DOCK2: variants seen among roughly 807,000 people sequenced by gnomAD.
DOCK2 encodes the protein dedicator of cytokinesis 2, also known as dedicator of cytokinesis protein 2.
Under a neutral mutation model 248.9 loss-of-function variants are expected in DOCK2, and 87 were observed. That is an observed-to-expected ratio of 0.35 (90% confidence interval 0.29 to 0.42). The LOEUF is 0.42. Among genes scored for constraint, DOCK2 ranks in the 10% least tolerant of loss-of-function variants. DOCK2 has a pLI of 1.00. For missense variants in DOCK2, 1,747 were observed against 2,300.2 expected, an observed-to-expected ratio of 0.76 and a Z score of 4.92; for synonymous variants, 805 against 821.6, an observed-to-expected ratio of 0.98 and a Z score of 0.35.
chr5:169,894,355 C>A (rs1773468927), intron 27 of DOCK2, among the ~76,000 whole-genome samples: 1 of 152,120 alleles, frequency 6.6e-6, no homozygotes, highest in African/African-American at 2.4e-5. Context: ...TGGGGGCTGG[C>A]AGGATTGGCC....
chr5:169,754,510 G>A (rs1167004696), intron 23 of DOCK2, among the ~76,000 whole-genome samples: 1 of 152,152 alleles, frequency 6.6e-6, no homozygotes, highest in Non-Finnish European at 1.5e-5. Context: ...TGGTAATGAG[G>A]ATCCTTAACT....
chr5:169,648,127 A>G lies in DOCK2; in HGVS notation c.44-6276A>G, dbSNP rs187168810. On this transcript the variant is annotated intron_variant, in intron 1 of 51. Coordinates refer to ENST00000520908, the MANE Select transcript of DOCK2 (RefSeq NM_004946.3). Reference sequence around the variant, plus strand: ...AGGAGTACTAGAATGGAGAGAGTGAAATCCAGCATGATGTTTCAGAGCAGG... The same window carrying G: ...AGGAGTACTAGAATGGAGAGAGTGAGATCCAGCATGATGTTTCAGAGCAGG... Among the ~76,000 whole-genome samples, 11 of 152,254 alleles carry G rather than the reference A, an allele frequency of 7.2e-5. 1 individual carries two copies. Among genetic ancestry groups the G allele is most frequent in the Admixed American group, 6.5e-4 (10 of 15,284 alleles).
chr5:169,849,671 G>A (rs1770519986), intron 27 of DOCK2, among the ~76,000 whole-genome samples: 1 of 152,214 alleles, frequency 6.6e-6, no homozygotes, highest in Non-Finnish European at 1.5e-5. Flanking sequence ...TTTTCTTTAT[G>A]TGAGTGTTGG....
chr5:170,076,521 G>A (rs1757847347), intron 47 of DOCK2, among the ~76,000 whole-genome samples: 1 of 152,238 alleles, frequency 6.6e-6, no homozygotes, highest in African/African-American at 2.4e-5. Flanking sequence ...AAATGAATGT[G>A]GGGCAGAATT....
intron 41 of DOCK2, 96 bp from the exon 42 acceptor site, chr5:170,055,209 A>G: frequency 2.4e-6 from 3 of 1,247,200 alleles, no homozygotes; most frequent in Non-Finnish European, 2.3e-6. Context: ...ATGTGGCCCC[A>G]TAAAGGCTGG....
intron 28 of DOCK2, 26 bp downstream of exon 28, chr5:169,983,192 A>G: frequency 6.2e-7 from 1 of 1,610,610 alleles, no homozygotes; most frequent in South Asian, 1.1e-5. Context: ...GCTGGGGGTG[A>G]GGAAGAACTC....
chr5:169,819,345 C>A (rs1768272445), intron 26 of DOCK2, among the ~76,000 whole-genome samples: 1 of 152,088 alleles, frequency 6.6e-6, no homozygotes, highest in Non-Finnish European at 1.5e-5. Context: ...CCTTTGCTGG[C>A]CAGAGTGGCT....
At chr5:169,733,117 A>C (rs1762865360) in intron 22 of DOCK2, among the ~76,000 whole-genome samples, 1 of 151,870 alleles carries the variant, frequency 6.6e-6, no homozygotes, top group Admixed American at 6.6e-5. Context: ...CATCCTCCAC[A>C]CCACCCCCTG....
At chr5:169,864,528 G>T in intron 27 of DOCK2, 1 of 1,199,862 alleles carries the variant, frequency 8.3e-7, no homozygotes. Context: ...GCATCTCTCA[G>T]CCCCAACTAA....
rs1757170537 is a variant in DOCK2 at position 170,057,434 on chromosome 5, T to G, written c.4381-146T>G. On this transcript the variant is annotated intron_variant, in intron 43 of 51. Coordinates refer to ENST00000520908, the MANE Select transcript of DOCK2 (RefSeq NM_004946.3). ...CTTAAGGGTAAGGTGAGAGCGTGTT[T>G]CTGGGTCTTGCAATATTTATTCTGC... 4.2e-6 allele frequency: 3 copies of G among 720,408 alleles called. No homozygotes were observed. The Admixed American group carries it at 6.0e-5, about 15-fold the overall frequency. 44.6% of individuals were successfully genotyped at this position (720,408 alleles called of 1,614,324 possible).
chr5:169,900,191 C>A (rs261057), intron 27 of DOCK2, among the ~76,000 whole-genome samples: 45,991 of 152,032 alleles, frequency 0.3, 9,013 homozygotes, highest in African/African-American at 0.56. Context: ...CACGGTAAGA[C>A]GCAAGCTTTA....
chr5:169,905,023 G>C (rs768764753), intron 27 of DOCK2, among the ~76,000 whole-genome samples: 4 of 152,214 alleles, frequency 2.6e-5, no homozygotes, highest in Admixed American at 6.5e-5. Context: ...ATATGAAAAT[G>C]AAGATAGTAG....
intron 26 of DOCK2, among the ~76,000 whole-genome samples, chr5:169,832,574 A>T (rs144316102): frequency 3.3e-4 from 51 of 152,348 alleles, no homozygotes; most frequent in African/African-American, 1.2e-3. Flanking sequence ...CAGGATGGAA[A>T]CCAGTTCAAA....
At chr5:169,722,171 G>T (rs1184100696) in intron 22 of DOCK2, among the ~76,000 whole-genome samples, 1 of 152,192 alleles carries the variant, frequency 6.6e-6, no homozygotes. Flanking sequence ...AATCTTCTAC[G>T]ATTCAGCTTC....
At chr5:169,807,616 A>G (rs1294159639) in intron 26 of DOCK2, among the ~76,000 whole-genome samples, 1 of 151,998 alleles carries the variant, frequency 6.6e-6, no homozygotes, top group Non-Finnish European at 1.5e-5. Flanking sequence ...GCGGATCACG[A>G]GGTCAGGAGA....
At chr5:169,820,160 G>A (rs1183362734) in intron 26 of DOCK2, among the ~76,000 whole-genome samples, 2 of 152,248 alleles carry the variant, frequency 1.3e-5, no homozygotes, top group African/African-American at 2.4e-5. Flanking sequence ...AGCTCAAGGA[G>A]GCCTGCATGC....
chr5:169,754,142 TGAAA>T (rs1338868585), intron 23 of DOCK2, among the ~76,000 whole-genome samples: 3 of 151,626 alleles, frequency 2.0e-5, no homozygotes, highest in African/African-American at 7.3e-5. Context: ...AGAGAAAGAG[TGAAA>T]GAGAGAACAG....
intron 27 of DOCK2, among the ~76,000 whole-genome samples, chr5:169,959,266 G>A (rs889449344): frequency 5.3e-5 from 8 of 151,940 alleles, no homozygotes; most frequent in South Asian, 2.1e-4. Context: ...GGTGGTGCAC[G>A]CCTGCAGTCC....
At chr5:169,696,051 A>G (rs1760605679) in intron 10 of DOCK2, 113 bp downstream of exon 10, 3 of 1,384,602 alleles carry the variant, frequency 2.2e-6, no homozygotes, top group African/African-American at 1.5e-5. Context: ...CCCCTGCAAA[A>G]TTTATGCCAG....
Sources: gnomAD v4.1 joint callset for allele counts (sites outside exome capture counted in the v4.1 genomes callset) on GRCh38, gnomAD v4.1.1 for gene constraint, MANE v1.5 for transcripts, NCBI Gene and HGNC (gene_info 2026-07-23, HGNC 2026-07-21) for gene names.